TRIM44: variants seen among roughly 807,000 people sequenced by gnomAD.
TRIM44 encodes the protein tripartite motif-containing protein 44.
A neutral mutation model predicts 37.4 loss-of-function variants in TRIM44; 13 were observed. The ratio of observed to expected loss-of-function variants is 0.35; its 90% CI spans 0.23 to 0.55. TRIM44 has a LOEUF of 0.55. Among genes scored for constraint, TRIM44 ranks in the 20% least tolerant of loss-of-function variants. TRIM44 has a pLI of 0.89. For missense variants in TRIM44, 426 were observed against 437.2 expected, an observed-to-expected ratio of 0.97 and a Z score of 0.23; for synonymous variants, 175 against 157.2, an observed-to-expected ratio of 1.11 and a Z score of -0.85.
Position 35,764,069 on chromosome 11 carries a change from TTTC to T in TRIM44, c.1007+28632_1007+28634del, listed in dbSNP as rs1288219645. Reference sequence around the variant, plus strand: ...CAGAATCAGAAACTTTGGCCAACTCTTTCTTCTTCTCAAGGGCATGCTTCTTCC... The same window carrying T: ...CAGAATCAGAAACTTTGGCCAACTCTTTCTTCTCAAGGGCATGCTTCTTCC... On this transcript the variant is annotated intron_variant, in intron 4 of 4. Transcript: ENST00000299413. Among the ~76,000 whole-genome samples, 9 of 152,320 alleles carry T rather than the reference TTTC, an allele frequency of 5.9e-5. 1 individual carries two copies. Among genetic ancestry groups the T allele is most frequent in the African/African-American group, 2.2e-4 (9 of 41,580 alleles).
intron 4 of TRIM44, among the ~76,000 whole-genome samples, chr11:35,769,911 ATTTCAAC>A (rs548485356): frequency 0.016 from 2,416 of 152,226 alleles, 29 homozygotes; most frequent in Non-Finnish European, 0.026. Context: ...TTTTTTTATA[ATTTCAAC>A]TTTTATTTTA....
intron 2 of TRIM44, among the ~76,000 whole-genome samples, chr11:35,722,646 G>A (rs917769377): frequency 6.6e-6 from 1 of 152,196 alleles, no homozygotes; most frequent in Non-Finnish European, 1.5e-5. Flanking sequence ...GACCACCAGA[G>A]GTCATTCTCA....
chr11:35,746,569 G>A (rs533328321), intron 4 of TRIM44, among the ~76,000 whole-genome samples: 1 of 143,996 alleles, frequency 6.9e-6, no homozygotes, highest in Non-Finnish European at 1.5e-5. Flanking sequence ...GGAGTTTTTT[G>A]TTTGTTTGTT....
intron 2 of TRIM44, among the ~76,000 whole-genome samples, chr11:35,693,695 G>C (rs1440445869): frequency 6.6e-6 from 1 of 152,122 alleles, no homozygotes; most frequent in Admixed American, 6.6e-5. Context: ...TCACTTAGGT[G>C]AGTGTAACCA....
chr11:35,682,093 G>T (rs1306480523), intron 1 of TRIM44, among the ~76,000 whole-genome samples: 2 of 151,494 alleles, frequency 1.3e-5, no homozygotes, highest in Non-Finnish European at 2.9e-5. Flanking sequence ...CGAGTAGCTG[G>T]GCTATGTCCC....
chr11:35,758,399 A>T (rs1228753379), intron 4 of TRIM44, among the ~76,000 whole-genome samples: 1 of 152,104 alleles, frequency 6.6e-6, no homozygotes, highest in East Asian at 1.9e-4. Context: ...GTGTCTCTGC[A>T]TGTGAGATGG....
chr11:35,665,517 C>A (rs2135480372), intron 1 of TRIM44, among the ~76,000 whole-genome samples: 1 of 150,678 alleles, frequency 6.6e-6, no homozygotes, highest in Middle Eastern at 3.4e-3. Context: ...CTGTGAAGTA[C>A]CTAGTCAGTT....
At chr11:35,796,229 C>T (rs556654843) in intron 4 of TRIM44, among the ~76,000 whole-genome samples, 34 of 150,118 alleles carry the variant, frequency 2.3e-4, no homozygotes, top group East Asian at 9.8e-4. Flanking sequence ...TGTGTGTGCG[C>T]GCGCGCACGT....
In TRIM44 at chr11:35,814,254, T is replaced by G. The variant is rs186401340; in HGVS notation, c.*7869T>G. On this transcript the variant is annotated 3_prime_UTR_variant, in exon 5 of 5. Transcript: ENST00000299413. ...TGCTGTAAGAAGAATAAACGTTATG[T>G]AGATATAATACCAGCGTGACAGCTT... is the stretch of plus-strand genomic sequence containing the variant. The G allele has an allele frequency of 6.6e-6, 1 of 152,308 alleles. No homozygotes were observed. The highest frequency in any genetic ancestry group is 1.9e-4 in the East Asian group (1 of 5,180). 9.4% of individuals were successfully genotyped at this position (152,308 alleles called of 1,614,324 possible).
chr11:35,705,586 C>T (rs1432934793), intron 2 of TRIM44, among the ~76,000 whole-genome samples: 1 of 151,642 alleles, frequency 6.6e-6, no homozygotes, highest in Non-Finnish European at 1.5e-5. Flanking sequence ...TGCAATCAAA[C>T]TAGAACTCAG....
intron 4 of TRIM44, among the ~76,000 whole-genome samples, chr11:35,768,189 G>GTGTAGAC (rs1852821875): frequency 6.6e-6 from 1 of 152,214 alleles, no homozygotes; most frequent in Non-Finnish European, 1.5e-5. Flanking sequence ...CAAACTTTGA[G>GTGTAGAC]TGTAGACTGT....
At chr11:35,669,037 C>T (rs1851362844) in intron 1 of TRIM44, among the ~76,000 whole-genome samples, 1 of 152,062 alleles carries the variant, frequency 6.6e-6, no homozygotes. Context: ...CCTCTTTTTG[C>T]TGCTGTTTTT....
intron 4 of TRIM44, among the ~76,000 whole-genome samples, chr11:35,778,738 C>T (rs1414732245): frequency 1.3e-5 from 2 of 152,298 alleles, no homozygotes; most frequent in Non-Finnish European, 2.9e-5. Context: ...ACTCCAGTCC[C>T]TGTTTGCCTG....
intron 1 of TRIM44, among the ~76,000 whole-genome samples, chr11:35,669,660 A>G (rs946655195): frequency 6.6e-6 from 1 of 151,806 alleles, no homozygotes; most frequent in African/African-American, 2.4e-5. Flanking sequence ...TATTTCTAGT[A>G]TAGAGATGGG....
At chr11:35,766,353 G>A (rs954984110) in intron 4 of TRIM44, among the ~76,000 whole-genome samples, 2 of 152,158 alleles carry the variant, frequency 1.3e-5, no homozygotes, top group Admixed American at 1.3e-4. Flanking sequence ...AATTTATCTG[G>A]TTATATAGGG....
chr11:35,701,730 G>A (rs1396771318), intron 2 of TRIM44, among the ~76,000 whole-genome samples: 5 of 152,140 alleles, frequency 3.3e-5, no homozygotes, highest in South Asian at 2.1e-4. Context: ...AATACAGAAA[G>A]ACGCAAAGCA....
intron 3 of TRIM44, among the ~76,000 whole-genome samples, chr11:35,731,622 CTG>C (rs566370326): frequency 1.3e-5 from 2 of 151,864 alleles, no homozygotes; most frequent in African/African-American, 2.4e-5. Flanking sequence ...TTTTTTCTCA[CTG>C]TTTTTTGCAG....
chr11:35,759,729 C>T (rs1162820317), intron 4 of TRIM44, among the ~76,000 whole-genome samples: 2 of 152,238 alleles, frequency 1.3e-5, no homozygotes, highest in Admixed American at 1.3e-4. Context: ...GGACCCTCAG[C>T]TGCAGGTCTG....
At position 35,666,749 on chromosome 11, in the gene TRIM44, A is replaced by G. The variant is rs562036641; in HGVS notation, c.669+2969A>G. On this transcript the variant is annotated intron_variant, in intron 1 of 4. Transcript: ENST00000299413. ...CCTCCAGCCTGGTCGACACGGCAAG[A>G]CCCTATCTCTAAAATAAAAATAAAT... is the stretch of plus-strand genomic sequence containing the variant. 6.3e-4 allele frequency among the ~76,000 whole-genome samples: 96 copies of G among 152,246 alleles called. 1 individual carries two copies. The highest frequency in any genetic ancestry group is 2.2e-4 in the Non-Finnish European group (15 of 68,016).
Sources: gnomAD v4.1 joint callset for allele counts (sites outside exome capture counted in the v4.1 genomes callset) on GRCh38, gnomAD v4.1.1 for gene constraint, MANE v1.5 for transcripts, NCBI Gene and HGNC (gene_info 2026-07-23, HGNC 2026-07-21) for gene names.